GOLGA3: variants seen among roughly 807,000 people sequenced by gnomAD.
GOLGA3 encodes the protein golgin A3.
A neutral mutation model predicts 169.4 loss-of-function variants in GOLGA3; 75 were observed. The observed-to-expected ratio is 0.44, with a 90% CI of 0.37 to 0.54. GOLGA3 has a LOEUF of 0.54. Ranked by LOEUF, GOLGA3 falls within the 20% of genes least tolerant of loss-of-function variation. GOLGA3 has a pLI of 0.00. For synonymous variants in GOLGA3, 824 were observed against 822.4 expected (o/e 1.00, Z -0.03); for missense variants, 1,899 against 1,930.0 (o/e 0.98, Z 0.30).
At chr12:132,819,085 A>AG (rs1300723624) in intron 2 of GOLGA3, among the ~76,000 whole-genome samples, 4 of 149,730 alleles carry the variant, frequency 2.7e-5, no homozygotes, top group Non-Finnish European at 4.4e-5. Context: ...AAGACATGTG[A>AG]GGGGGGAGGG....
intron 10 of GOLGA3, 47 bp downstream of exon 10, chr12:132,796,492 G>C (rs1213504226): frequency 1.3e-6 from 2 of 1,572,010 alleles, no homozygotes; most frequent in South Asian, 1.2e-5. Flanking sequence ...TGGCTGCTCG[G>C]GATCACCTGG....
chr12:132,771,421 G>T lies in GOLGA3; in HGVS notation c.*1684C>A, dbSNP rs1159734263. On this transcript the variant is annotated 3_prime_UTR_variant, in exon 24 of 24. Transcript: ENST00000450791. ...AACTCATATAATAAATATTATTTTAGATTTTCTTAGCAAACTAGGGGACAA... is the reference window on the plus strand; with the variant it reads ...AACTCATATAATAAATATTATTTTATATTTTCTTAGCAAACTAGGGGACAA... The T allele has an allele frequency of 6.6e-6, 1 of 152,138 alleles. No homozygotes were observed. The highest frequency in any genetic ancestry group is 2.4e-5 in the African/African-American group (1 of 41,406). The allele number at this position is 152,138 out of a possible 1,614,324, so 9.4% of individuals were successfully genotyped here. A position where few individuals can be genotyped will look rare whatever the true frequency, so the allele number is the denominator to read the frequency against.
At chr12:132,814,571 C>T (rs889716937) in intron 3 of GOLGA3, among the ~76,000 whole-genome samples, 5 of 152,182 alleles carry the variant, frequency 3.3e-5, no homozygotes, top group Admixed American at 3.3e-4. Context: ...ATTTGGGGTC[C>T]GCTCTGACGC....
At chr12:132,801,389 G>A in intron 8 of GOLGA3, among the ~76,000 whole-genome samples, 1 of 152,182 alleles carries the variant, frequency 6.6e-6, no homozygotes, top group East Asian at 1.9e-4. Context: ...AGGTGGGAGG[G>A]TCCTGAGACC....
chr12:132,780,839 G>A lies in GOLGA3; in HGVS notation c.3541C>T (p.Leu1181=), dbSNP rs1266707797. 4 of 1,611,948 alleles carry A rather than the reference G, an allele frequency of 2.5e-6. No individual in the cohort carries two copies. The highest frequency in any genetic ancestry group is 3.3e-5 in the Admixed American group (2 of 60,010). ...TTCACCTTCTCCTTCTCCTTCTCTAGTGAGGCCTGCAGGGCCTGGACAAGA... is the reference window on the plus strand; with the variant it reads ...TTCACCTTCTCCTTCTCCTTCTCTAATGAGGCCTGCAGGGCCTGGACAAGA... ...KHLVQALQAS[L]EKEKEKVNSL... is the part of the protein sequence containing the mutation. Residue 1181 remains leucine (L), a synonymous_variant, in exon 18 of 24, where the codon CTA becomes TTA. Transcript: ENST00000450791.
In GOLGA3 at chr12:132,807,270, A is replaced by G. The variant is rs757127035; in HGVS notation, c.1197T>C (p.Ser399=). The G allele has an allele frequency of 1.2e-5, 19 of 1,572,766 alleles. No individual in the cohort carries two copies. The Middle Eastern group carries it at 5.0e-4, about 41-fold the overall frequency. ...GCATCTCCTCCTGTGTTTCTGCTGC[A>G]GAGCTCTCCAAGGACACGCTGGGGA... is the stretch of plus-strand genomic sequence containing the variant. ...SICSSVSLES[S]AAETQEEMLQ... Residue 399 remains serine, a synonymous_variant, in exon 6 of 24, where the codon TCT becomes TCC. Coordinates refer to ENST00000450791, the MANE Select transcript of GOLGA3 (RefSeq NM_001389683.1).
intron 4 of GOLGA3, among the ~76,000 whole-genome samples, chr12:132,810,413 A>G (rs546161628): frequency 6.6e-6 from 1 of 152,206 alleles, no homozygotes; most frequent in South Asian, 2.1e-4. Flanking sequence ...CCAGTATAAT[A>G]AAGTATATAA....
chr12:132,790,560 T>C (rs1368766614), intron 12 of GOLGA3, among the ~76,000 whole-genome samples: 1 of 152,132 alleles, frequency 6.6e-6, no homozygotes, highest in African/African-American at 2.4e-5. Flanking sequence ...ATGTGCATTT[T>C]TCAAAGACAT....
rs2044921414 is a variant in GOLGA3 at position 132,772,097 on chromosome 12, A to AT, written c.*1007dup. On this transcript the variant is annotated 3_prime_UTR_variant, in exon 24 of 24. Coordinates refer to ENST00000450791, the MANE Select transcript of GOLGA3 (RefSeq NM_001389683.1). ...ACAGAGGACCTTTCTGTGTAAGAAT[A>AT]TTTGGCTTTAGAAGGTAAATAAAAT... 6.6e-6 allele frequency: 1 copy of AT among 152,256 alleles called. No homozygotes were observed. The highest frequency in any genetic ancestry group is 1.5e-5 in the Non-Finnish European group (1 of 68,038). 9.4% of individuals were successfully genotyped at this position (152,256 alleles called of 1,614,324 possible).
intron 9 of GOLGA3, among the ~76,000 whole-genome samples, chr12:132,797,949 G>A (rs187378090): frequency 1.3e-5 from 2 of 152,202 alleles, no homozygotes; most frequent in Non-Finnish European, 1.5e-5. Flanking sequence ...AGGCAAAAAC[G>A]CACTGGCCCC....
At chr12:132,807,671 A>G (rs1373694939) in intron 5 of GOLGA3, among the ~76,000 whole-genome samples, 1 of 152,208 alleles carries the variant, frequency 6.6e-6, no homozygotes, top group African/African-American at 2.4e-5. Flanking sequence ...CAGGAAGAAA[A>G]GCTGTGTATC....
chr12:132,820,049 T>C (rs1041606303), intron 2 of GOLGA3, among the ~76,000 whole-genome samples: 8 of 152,078 alleles, frequency 5.3e-5, no homozygotes, highest in African/African-American at 1.9e-4. Flanking sequence ...TGGTGGCACA[T>C]GCCTGTAATC....
At chr12:132,795,712 G>A (rs1948794321) in intron 11 of GOLGA3, 140 bp downstream of exon 11, 1 of 909,736 alleles carries the variant, frequency 1.1e-6, no homozygotes, top group Non-Finnish European at 1.7e-6. Context: ...AGTGAGCGCA[G>A]ATCATCCCAC....
chr12:132,776,809 C>T (rs2045273305), intron 20 of GOLGA3, 53 bp from the exon 21 acceptor site: 2 of 1,599,528 alleles, frequency 1.3e-6, no homozygotes, highest in Non-Finnish European at 1.7e-6. Context: ...GCTTTACTGC[C>T]CTGGAAAATG....
At chr12:132,826,382 T>C (rs1228989469) in intron 1 of GOLGA3, among the ~76,000 whole-genome samples, 1 of 149,490 alleles carries the variant, frequency 6.7e-6, no homozygotes. Flanking sequence ...AGAGGAGAAC[T>C]GCTGCAGAGG....
At chr12:132,789,868 C>T (rs980913756) in intron 12 of GOLGA3, among the ~76,000 whole-genome samples, 1 of 151,950 alleles carries the variant, frequency 6.6e-6, no homozygotes, top group African/African-American at 2.4e-5. Context: ...CCCATCTCTA[C>T]TAAAAATACA....
intron 20 of GOLGA3, 86 bp from the exon 21 acceptor site, chr12:132,776,842 T>C: frequency 6.4e-7 from 1 of 1,566,416 alleles, no homozygotes; most frequent in Non-Finnish European, 8.6e-7. Context: ...TTTTGGTTTA[T>C]CTTTTAATAC....
chr12:132,790,127 T>C lies in GOLGA3; in HGVS notation c.2548-837A>G, dbSNP rs572636746. 2.8e-4 allele frequency among the ~76,000 whole-genome samples: 42 copies of C among 151,830 alleles called. 1 individual carries two copies. The East Asian group carries it at 7.8e-3, about 28-fold the overall frequency. On this transcript the variant is annotated intron_variant, in intron 12 of 23. Transcript: ENST00000450791. Reference sequence around the variant, plus strand: ...TGGGCGGATCACGAGGTCAGGAGATTGAGACCATCCTGGCTAACACGGTGA... The same window carrying C: ...TGGGCGGATCACGAGGTCAGGAGATCGAGACCATCCTGGCTAACACGGTGA...
intron 16 of GOLGA3, among the ~76,000 whole-genome samples, chr12:132,783,169 GAC>G (rs983255206): frequency 6.7e-6 from 1 of 148,962 alleles, no homozygotes; most frequent in Non-Finnish European, 1.5e-5. Flanking sequence ...CAGCCTGAAT[GAC>G]AGAGTGAGAC....
Sources: gnomAD v4.1 joint callset for allele counts (sites outside exome capture counted in the v4.1 genomes callset) on GRCh38, gnomAD v4.1.1 for gene constraint, MANE v1.5 for transcripts, NCBI Gene and HGNC (gene_info 2026-07-23, HGNC 2026-07-21) for gene names.